TASOR2: variants seen among roughly 807,000 people sequenced by gnomAD.
TASOR2 encodes the protein transcription activation suppressor family member 2.
TASOR2 carries 84 observed loss-of-function variants against 199.5 expected under a neutral mutation model. The ratio of observed to expected loss-of-function variants is 0.42; its 90% CI spans 0.35 to 0.50. The LOEUF (loss-of-function observed/expected upper bound fraction) is 0.50, where lower values mean the gene tolerates loss of function less well. Among genes scored for constraint, TASOR2 ranks in the 20% least tolerant of loss-of-function variants. TASOR2 has a pLI of 0.02. For missense variants in TASOR2, 2,796 were observed against 2,835.9 expected (o/e 0.99, Z 0.32); for synonymous variants, 1,103 against 1,046.6 (o/e 1.05, Z -1.04).
At chr10:5,745,672 C>T (rs1240378985) in intron 14 of TASOR2, among the ~76,000 whole-genome samples, 1 of 151,652 alleles carries the variant, frequency 6.6e-6, no homozygotes, top group African/African-American at 2.4e-5. Flanking sequence ...CCCAGCTACT[C>T]GGGAGGCTGA....
chr10:5,739,436 T>C (rs1427517475), intron 12 of TASOR2, among the ~76,000 whole-genome samples, 182 bp from the exon 14 acceptor site: 3 of 152,236 alleles, frequency 2.0e-5, no homozygotes, highest in African/African-American at 7.2e-5. Flanking sequence ...ATATGCAATA[T>C]GTATAACATA....
At chr10:5,691,391 A>G (rs1460805682) in intron 1 of TASOR2, among the ~76,000 whole-genome samples, 1 of 152,202 alleles carries the variant, frequency 6.6e-6, no homozygotes, top group Non-Finnish European at 1.5e-5. Context: ...ATTAAATCCA[A>G]AAATAAGCAA....
At chr10:5,755,014 C>T (rs1388006241) in intron 15 of TASOR2, among the ~76,000 whole-genome samples, 6 of 140,558 alleles carry the variant, frequency 4.3e-5, no homozygotes, top group Admixed American at 3.9e-4. Flanking sequence ...CCACTGCACT[C>T]CAGCCTGGGC....
intron 15 of TASOR2, among the ~76,000 whole-genome samples, chr10:5,755,033 A>G (rs918972342): frequency 7.3e-5 from 10 of 136,264 alleles, no homozygotes; most frequent in African/African-American, 1.9e-4. Flanking sequence ...GCAACAGAGC[A>G]AGACTCTTGT....
At chr10:5,724,574 TTTAA>T (rs769617674) in intron 8 of TASOR2, 41 bp downstream of exon 9, 9 of 732,004 alleles carry the variant, frequency 1.2e-5, no homozygotes, top group Non-Finnish European at 1.7e-5. Context: ...TATGTTTTTC[TTTAA>T]TTGATATATA....
intron 6 of TASOR2, 89 bp downstream of exon 7, chr10:5,721,059 G>C: frequency 2.0e-6 from 2 of 988,922 alleles, no homozygotes; most frequent in Non-Finnish European, 3.1e-6. Context: ...GGTGGCATTG[G>C]TGTAAAATAC....
intron 2 of TASOR2, chr10:5,714,633 A>G (rs1219844304): frequency 9.5e-5 from 1 of 10,546 alleles, no homozygotes; most frequent in African/African-American, 4.7e-4. Context: ...TAAAAATATT[A>G]TCTAATTGTC....
intron 7 of TASOR2, 68 bp from the exon 9 acceptor site, chr10:5,724,362 A>G: frequency 1.4e-6 from 1 of 708,390 alleles, no homozygotes; most frequent in South Asian, 1.9e-5. Flanking sequence ...ATATAAAATG[A>G]ACAAATTGAC....
intron 1 of TASOR2, chr10:5,709,547 G>A (rs1001759866): frequency 7.3e-6 from 9 of 1,230,616 alleles, no homozygotes; most frequent in Admixed American, 8.4e-5. Flanking sequence ...GACATTAACA[G>A]AGAACAGGAC....
chr10:5,739,486 A>G, intron 12 of TASOR2, 132 bp from the exon 14 acceptor site: 1 of 827,636 alleles, frequency 1.2e-6, no homozygotes, highest in South Asian at 1.9e-5. Context: ...AATCTAATAG[A>G]AAATTTTAAT....
chr10:5,742,260 G>C lies in TASOR2; in HGVS notation c.2491G>C (p.Glu831Gln), dbSNP rs1836541063. Residue 831 changes from glutamate (E) to glutamine (Q), a missense_variant, in exon 14 of 21, where the codon GAA becomes CAA. Physicochemically the swap from Glu to Gln is conservative, Grantham distance 29. Around this residue, in one of 3 missense-constraint regions of TASOR2, gnomAD observed 1,941 missense variants for 1,924.9 expected, o/e 1.01. Transcript: ENST00000328090. This position sits in a 1 kb window ranked among gnomAD's most constrained non-coding sequence, Gnocchi z 4.2. ...ATATGTGTCTATAAATAGCACGTTA[G>C]AATCTTGTGAGCTCCGTGAAATTGA... 1 of 1,614,060 alleles carries C rather than the reference G, an allele frequency of 6.2e-7. No individual in the cohort carries two copies. Among genetic ancestry groups the C allele is most frequent in the African/African-American group, 1.3e-5 (1 of 74,924 alleles).
At chr10:5,747,711 A>G (rs368163742) in exon 15 of TASOR2, 112 of 1,614,132 alleles carry the variant, frequency 6.9e-5, no homozygotes, top group Non-Finnish European at 9.2e-5. Context: ...TTCATGGTAC[A>G]CAGTGTGAGA....
intron 2 of TASOR2, 126 bp downstream of exon 2, chr10:5,713,044 G>T: frequency 2.3e-6 from 1 of 436,446 alleles, no homozygotes; most frequent in Non-Finnish European, 3.8e-6. Flanking sequence ...TTGGTGGCAT[G>T]TAAATGACAG....
At position 5,742,242 on chromosome 10, in the gene TASOR2, T is replaced by C; in HGVS notation, c.2473T>C (p.Ser825Pro). The C allele has an allele frequency of 6.2e-7, 1 of 1,614,154 alleles. No homozygotes were observed. Among genetic ancestry groups the C allele is most frequent in the South Asian group, 1.1e-5 (1 of 91,074 alleles). The stretch of plus-strand genomic sequence containing the variant: ...ACACAGCAACCCAGCAAAATATGTG[T>C]CTATAAATAGCACGTTAGAATCTTG... The change falls in exon 14 of 21, where the codon TCT becomes CCT. Residue 825 changes from serine (S) to proline (P), a missense_variant. Ser to Pro is a moderately conservative substitution (Grantham distance 74). Coordinates refer to ENST00000328090, the Ensembl canonical transcript of TASOR2. This position sits in a 1 kb window ranked among gnomAD's most constrained non-coding sequence, Gnocchi z 4.2.
At chr10:5,711,774 A>G (rs1418739) in intron 1 of TASOR2, among the ~76,000 whole-genome samples, 143,139 of 152,156 alleles carry the variant, frequency 0.94, 67,400 homozygotes, top group Non-Finnish European at 0.96. Flanking sequence ...AATTGTAAGT[A>G]CAGCTCTGTT....
chr10:5,759,515 A>G (rs1380916721), intron 18 of TASOR2, among the ~76,000 whole-genome samples: 2 of 152,230 alleles, frequency 1.3e-5, no homozygotes, highest in Non-Finnish European at 2.9e-5. Context: ...CATTCTCACA[A>G]GCAGGACCAA....
chr10:5,742,447 A>T lies in TASOR2; in HGVS notation c.2678A>T (p.Glu893Val). The stretch of plus-strand genomic sequence containing the variant: ...GGCTTGGAACTCTGTGTACAAAATG[A>T]ACAGAAAAAAACTTTTGCAAGAGAG... Residue 893 changes from glutamate (E) to valine (V), a missense_variant, in exon 14 of 21, where the codon GAA (glutamate) becomes GTA (valine). Coordinates refer to ENST00000328090, the Ensembl canonical transcript of TASOR2. The surrounding 1 kb of genome is among the most constrained non-coding windows in gnomAD (Gnocchi z 4.2). The T allele has an allele frequency of 6.2e-7, 1 of 1,614,162 alleles. No individual in the cohort carries two copies. The highest frequency in any genetic ancestry group is 2.2e-5 in the East Asian group (1 of 44,886).
intron 14 of TASOR2, among the ~76,000 whole-genome samples, chr10:5,745,791 ATT>A (rs1837103672): frequency 6.6e-6 from 1 of 152,124 alleles, no homozygotes; most frequent in Non-Finnish European, 1.5e-5. Context: ...AAAAAAAAAA[ATT>A]AATCTCATTT....
At chr10:5,747,115 G>C (rs368804802) in exon 15 of TASOR2, 4 of 1,614,084 alleles carry the variant, frequency 2.5e-6, no homozygotes, top group Non-Finnish European at 3.4e-6. Flanking sequence ...CCACACATCA[G>C]GTGACTCTTT....
Sources: gnomAD v4.1 joint callset for allele counts (sites outside exome capture counted in the v4.1 genomes callset) on GRCh38, gnomAD v4.1.1 for gene constraint, gnomAD v4.1.1 regional missense constraint, Gnocchi (gnomAD v3.1) non-coding constraint, MANE v1.5 for transcripts, NCBI Gene and HGNC (gene_info 2026-07-23, HGNC 2026-07-21) for gene names.